The following PNMA2 variants were observed in gnomAD, a reference collection of about 807,000 sequenced individuals.
PNMA2 encodes the protein PNMA family member 2, also known as paraneoplastic antigen Ma2.
For synonymous variants in PNMA2, 175 were observed against 183.5 expected, an observed-to-expected ratio of 0.95 and a Z score of 0.38; for missense variants, 455 against 452.9, an observed-to-expected ratio of 1.00 and a Z score of -0.04.
Position 26,508,071 on chromosome 8 carries a change from T to A in PNMA2, c.685A>T (p.Ser229Cys). 1 of 1,614,264 alleles carries A rather than the reference T, an allele frequency of 6.2e-7. No individual in the cohort carries two copies. The highest frequency in any genetic ancestry group is 1.6e-4 in the Middle Eastern group (1 of 6,062). Reference sequence around the variant, plus strand: ...AAGGCCTCCAAACACTCTTCTACACTGATGGACGGGTTGTCTGCCTGCACT... The same window carrying A: ...AAGGCCTCCAAACACTCTTCTACACAGATGGACGGGTTGTCTGCCTGCACT... The part of the protein sequence containing the change: ...HIVQADNPSI[S>C]VEECLEAFKQ... The change falls in exon 3 of 3, where the codon AGT becomes TGT. Residue 229 changes from serine to cysteine, a missense_variant. By Grantham distance (112) the Ser-to-Cys change is moderately radical. Coordinates refer to ENST00000522362, the MANE Select transcript of PNMA2 (RefSeq NM_007257.6). The surrounding 1 kb of genome is among the most constrained non-coding windows in gnomAD (Gnocchi z 5.5).
In PNMA2 at chr8:26,508,200, C is replaced by T. The variant is rs2233701; in HGVS notation, c.556G>A (p.Glu186Lys). Residue 186 changes from glutamate (E) to lysine (K), a missense_variant, in exon 3 of 3, where the codon GAA becomes AAA. Glu to Lys is a moderately conservative substitution (Grantham distance 56). Coordinates refer to ENST00000522362, the MANE Select transcript of PNMA2 (RefSeq NM_007257.6). This position sits in a 1 kb window ranked among gnomAD's most constrained non-coding sequence, Gnocchi z 5.5. Reference protein sequence around the residue: ...PEEESFEVWLEQATEIVKEWP... With the variant: ...PEEESFEVWLKQATEIVKEWP... ...TCTTTGACTATCTCCGTGGCCTGTTCCAACCAGACCTCAAAGGACTCTTCC... is the reference window on the plus strand; with the variant it reads ...TCTTTGACTATCTCCGTGGCCTGTTTCAACCAGACCTCAAAGGACTCTTCC... The T allele has an allele frequency of 0.12, 192,147 of 1,612,360 alleles. 12,542 individuals are homozygous for T. The highest frequency in any genetic ancestry group is 0.22 in the East Asian group (10,079 of 44,848).
intron 1 of PNMA2, among the ~76,000 whole-genome samples, chr8:26,513,231 T>C (rs1365590435): frequency 2.7e-5 from 4 of 148,086 alleles, no homozygotes; most frequent in African/African-American, 1.0e-4. Flanking sequence ...CCTTGCGCAA[T>C]AGAGTCGGTC....
In PNMA2 at chr8:26,507,521, A is replaced by G. The variant is rs1258556535; in HGVS notation, c.*140T>C. 23 of 666,052 alleles carry G rather than the reference A, an allele frequency of 3.5e-5. No homozygotes were observed. The highest frequency in any genetic ancestry group is 3.0e-4 in the East Asian group (11 of 36,732). The allele number at this position is 666,052 out of a possible 1,614,324, so 41.3% of individuals were successfully genotyped here. A position where few individuals can be genotyped will look rare whatever the true frequency, so the allele number is the denominator to read the frequency against. On this transcript the variant is annotated 3_prime_UTR_variant, in exon 3 of 3. Transcript: ENST00000522362. ...AGGAGAGAGGAGGAGAGAAGGAGAGAAGGAGGAAGGGAGGGAAGGAAGGAA... is the reference window on the plus strand; with the variant it reads ...AGGAGAGAGGAGGAGAGAAGGAGAGGAGGAGGAAGGGAGGGAAGGAAGGAA...
rs138708461 is a variant in PNMA2 at position 26,506,096 on chromosome 8, G to A, written c.*1565C>T. On this transcript the variant is annotated 3_prime_UTR_variant, in exon 3 of 3. Coordinates refer to ENST00000522362, the MANE Select transcript of PNMA2 (RefSeq NM_007257.6). The surrounding 1 kb of genome is among the most constrained non-coding windows in gnomAD (Gnocchi z 4.4). The stretch of plus-strand genomic sequence containing the variant: ...TGCAGAGCACAATTTGAAAGTCATC[G>A]TGATGGTAGAGGATGGACTAGTGTG... 17 of 152,286 alleles carry A rather than the reference G, an allele frequency of 1.1e-4. No individual in the cohort carries two copies. Among genetic ancestry groups the A allele is most frequent in the African/African-American group, 9.6e-5 (4 of 41,560 alleles). The allele number at this position is 152,286 out of a possible 1,614,324, so 9.4% of individuals were successfully genotyped here. A position where few individuals can be genotyped will look rare whatever the true frequency, so the allele number is the denominator to read the frequency against.
chr8:26,509,759 A>G lies in PNMA2; in HGVS notation c.-618-82T>C, dbSNP rs1046207728. The G allele has an allele frequency of 1.3e-5, 2 of 152,232 alleles. No individual in the cohort carries two copies. The highest frequency in any genetic ancestry group is 6.5e-5 in the Admixed American group (1 of 15,284). 9.4% of individuals were successfully genotyped at this position (152,232 alleles called of 1,614,324 possible). On this transcript the variant is annotated intron_variant, in intron 1 of 2. Transcript: ENST00000522362. The surrounding 1 kb of genome is among the most constrained non-coding windows in gnomAD (Gnocchi z 5.7). ...AGACCGTTAATGCACTTATTCAAAA[A>G]TATGATAATCCTTCACAATACTACT...
chr8:26,513,461 T>A (rs1050301684), intron 1 of PNMA2, among the ~76,000 whole-genome samples: 1 of 148,960 alleles, frequency 6.7e-6, no homozygotes, highest in African/African-American at 2.5e-5. Flanking sequence ...CTCGTTTCAG[T>A]CTCTGCTCCC....
rs763842654 is a variant in PNMA2, at chr8:26,508,010, G to C, written c.746C>G (p.Thr249Arg). ...QVFGSLESRR[T>R]AQVRYLKTYQ... ...GGTCTTCAGATACCTCACCTGGGCTGTCCTGCGGCTCTCTAGGCTCCCAAA... is the reference window on the plus strand; with the variant it reads ...GGTCTTCAGATACCTCACCTGGGCTCTCCTGCGGCTCTCTAGGCTCCCAAA... The change falls in exon 3 of 3, where the codon ACA (threonine) becomes AGA (arginine). Residue 249 changes from threonine (T) to arginine (R), a missense_variant. By Grantham distance (71) the Thr-to-Arg change is moderately conservative (BLOSUM62 -1). Coordinates refer to ENST00000522362, the MANE Select transcript of PNMA2 (RefSeq NM_007257.6). This position sits in a 1 kb window ranked among gnomAD's most constrained non-coding sequence, Gnocchi z 5.5. The C allele has an allele frequency of 1.9e-6, 3 of 1,614,262 alleles. No individual in the cohort carries two copies. Among genetic ancestry groups the C allele is most frequent in the Non-Finnish European group, 2.5e-6 (3 of 1,180,046 alleles).
chr8:26,513,402 C>T (rs1159967513), intron 1 of PNMA2, among the ~76,000 whole-genome samples: 2 of 149,712 alleles, frequency 1.3e-5, no homozygotes, highest in African/African-American at 4.9e-5. Context: ...CCCCCCCACT[C>T]CCCCGTCACC....
chr8:26,508,998 G>A lies in PNMA2; in HGVS notation c.-243C>T, dbSNP rs370098267. The A allele has an allele frequency of 1.0e-5, 11 of 1,053,072 alleles. No homozygotes were observed. The highest frequency in any genetic ancestry group is 7.5e-5 in the Admixed American group (2 of 26,768). 65.2% of individuals were successfully genotyped at this position (1,053,072 alleles called of 1,614,324 possible). On this transcript the variant is annotated 5_prime_UTR_variant, in exon 3 of 3. It adds an upstream start codon to the 5' untranslated region. Transcript: ENST00000522362. The surrounding 1 kb of genome is among the most constrained non-coding windows in gnomAD (Gnocchi z 5.5). ...TAGGCCTGACCCAGGTGGGCAGGTC[G>A]TATCTCAGTTCTAACCACACCTGTG...
At chr8:26,513,151 C>A (rs1808198014) in intron 1 of PNMA2, 1 of 129,238 alleles carries the variant, frequency 7.7e-6, no homozygotes, top group Admixed American at 8.3e-5. Flanking sequence ...GTGGAGGAAG[C>A]AGAATAAACC....
chr8:26,511,646 C>T (rs1563369400), intron 1 of PNMA2: 1 of 152,096 alleles, frequency 6.6e-6, no homozygotes. Flanking sequence ...GTGTGGCACT[C>T]GCCTGTAGTC....
Position 26,508,170 on chromosome 8 carries a change from G to T in PNMA2, c.586C>A (p.Pro196Thr), listed in dbSNP as rs772134485. ...EQATEIVKEW[P>T]VTEAEKKRWL... The stretch of plus-strand genomic sequence containing the variant: ...CTTTTCTTTTCTGCCTCTGTTACTG[G>T]CCACTCTTTGACTATCTCCGTGGCC... The change falls in exon 3 of 3, where the codon CCA (proline) becomes ACA (threonine). Residue 196 changes from proline to threonine, a missense_variant. Coordinates refer to ENST00000522362, the MANE Select transcript of PNMA2 (RefSeq NM_007257.6). The surrounding 1 kb of genome is among the most constrained non-coding windows in gnomAD (Gnocchi z 5.5). 1 of 1,614,188 alleles carries T rather than the reference G, an allele frequency of 6.2e-7. No homozygotes were observed. The highest frequency in any genetic ancestry group is 8.5e-7 in the Non-Finnish European group (1 of 1,180,028).
chr8:26,513,581 C>T (rs1808211770), intron 1 of PNMA2, among the ~76,000 whole-genome samples: 1 of 152,224 alleles, frequency 6.6e-6, no homozygotes, highest in South Asian at 2.1e-4. Flanking sequence ...TCAGTGCCAT[C>T]CCGCTTCCCA....
At position 26,509,108 on chromosome 8, in the gene PNMA2, G is replaced by T. The variant is rs912255935; in HGVS notation, c.-353C>A. On this transcript the variant is annotated 5_prime_UTR_variant, in exon 3 of 3. Transcript: ENST00000522362. This position sits in a 1 kb window ranked among gnomAD's most constrained non-coding sequence, Gnocchi z 5.7. ...CGCTGACCCTTCTCTGATAGTTGAG[G>T]CACCTGGGACAGCTGCTTTCTCCAC... The T allele has an allele frequency of 4.5e-6, 1 of 223,040 alleles. No individual in the cohort carries two copies. Among genetic ancestry groups the T allele is most frequent in the Non-Finnish European group, 9.3e-6 (1 of 107,488 alleles). 13.8% of individuals were successfully genotyped at this position (223,040 alleles called of 1,614,324 possible). A position where few individuals can be genotyped will look rare whatever the true frequency, so the allele number is the denominator to read the frequency against.
rs556347535 is a variant in PNMA2, at chr8:26,508,469, G to A, written c.287C>T (p.Pro96Leu). The change falls in exon 3 of 3, where the codon CCT (proline) becomes CTT (leucine). Residue 96 changes from proline (P) to leucine (L), a missense_variant. Pro to Leu is a moderately conservative substitution (Grantham distance 98). Coordinates refer to ENST00000522362, the MANE Select transcript of PNMA2 (RefSeq NM_007257.6). The surrounding 1 kb of genome is among the most constrained non-coding windows in gnomAD (Gnocchi z 5.5). ...GGVWKVIFKT[P>L]NQDTEFLERL... The stretch of plus-strand genomic sequence containing the variant: ...TTCAAGAAACTCAGTGTCCTGATTA[G>A]GGGTCTTAAAGATCACCTTCCAGAC... The A allele has an allele frequency of 1.9e-6, 3 of 1,614,164 alleles. No homozygotes were observed. In the South Asian group the frequency reaches 3.3e-5, roughly 18 times the overall value.
chr8:26,508,031 C>T lies in PNMA2; in HGVS notation c.725G>A (p.Gly242Glu), dbSNP rs1162468295. 1.2e-6 allele frequency: 2 copies of T among 1,614,136 alleles called. No individual in the cohort carries two copies. The highest frequency in any genetic ancestry group is 1.7e-6 in the Non-Finnish European group (2 of 1,180,060). ...GGCTGTCCTGCGGCTCTCTAGGCTC[C>T]CAAACACTTGCTTAAAGGCCTCCAA... is the stretch of plus-strand genomic sequence containing the variant. ...ECLEAFKQVFGSLESRRTAQV... is the reference protein window; with the variant it reads ...ECLEAFKQVFESLESRRTAQV... Residue 242 changes from glycine to glutamate, a missense_variant, in exon 3 of 3, where the codon GGG becomes GAG. Coordinates refer to ENST00000522362, the MANE Select transcript of PNMA2 (RefSeq NM_007257.6). The surrounding 1 kb of genome is among the most constrained non-coding windows in gnomAD (Gnocchi z 5.5).
In PNMA2 at chr8:26,506,207, C is replaced by T. The variant is rs959683844; in HGVS notation, c.*1454G>A. 5.4e-5 allele frequency: 8 copies of T among 148,384 alleles called. No individual in the cohort carries two copies. In the South Asian group the frequency reaches 1.1e-3, roughly 21 times the overall value. 9.2% of individuals were successfully genotyped at this position (148,384 alleles called of 1,614,324 possible). A position where few individuals can be genotyped will look rare whatever the true frequency, so the allele number is the denominator to read the frequency against. ...GAGACCACTTAACTCATCTGAGCTT[C>T]GGTCTTTCTCTTTATAAAGAGCAAA... On this transcript the variant is annotated 3_prime_UTR_variant, in exon 3 of 3. Transcript: ENST00000522362. This position sits in a 1 kb window ranked among gnomAD's most constrained non-coding sequence, Gnocchi z 4.4.
chr8:26,507,609 A>AT lies in PNMA2; in HGVS notation c.*51dup, dbSNP rs1018676471. On this transcript the variant is annotated 3_prime_UTR_variant, in exon 3 of 3. Transcript: ENST00000522362. Reference sequence around the variant, plus strand: ...TCAGTCCCATACATTAAAGAAAAAAATTTTTTAAAGGTCTTAGCCCACTGG... The same window carrying AT: ...TCAGTCCCATACATTAAAGAAAAAAATTTTTTTAAAGGTCTTAGCCCACTGG... 6.7e-6 allele frequency: 10 copies of AT among 1,491,868 alleles called. No individual in the cohort carries two copies. The African/African-American group carries it at 1.1e-4, about 17-fold the overall frequency. 92.4% of individuals were successfully genotyped at this position (1,491,868 alleles called of 1,614,324 possible). A position where few individuals can be genotyped will look rare whatever the true frequency, so the allele number is the denominator to read the frequency against.
intron 1 of PNMA2, among the ~76,000 whole-genome samples, chr8:26,513,585 C>G (rs1808211880): frequency 1.3e-5 from 2 of 152,228 alleles, no homozygotes; most frequent in South Asian, 4.1e-4. Flanking sequence ...TGCCATCCCG[C>G]TTCCCACACC....
Sources: allele counts gnomAD v4.1 joint callset (sites outside exome capture counted in the v4.1 genomes callset), GRCh38; gene constraint gnomAD v4.1.1; non-coding constraint Gnocchi (gnomAD v3.1); transcripts MANE v1.5; gene names NCBI Gene and HGNC (gene_info 2026-07-23, HGNC 2026-07-21).